The following RINT1 variants were observed in gnomAD, a reference collection of about 807,000 sequenced individuals.
RINT1 encodes the protein RAD50 interactor 1.
In RINT1, 75 loss-of-function variants were observed where a neutral mutation model predicts 97.7. The observed-to-expected ratio is 0.77, with a 90% CI of 0.64 to 0.93. RINT1 has a LOEUF of 0.93. Among genes scored for constraint, RINT1 ranks in the 40% least tolerant of loss-of-function variants. The pLI is 0.00. For missense variants in RINT1, 892 were observed against 925.2 expected, an observed-to-expected ratio of 0.96 and a Z score of 0.47; for synonymous variants, 303 against 326.3, an observed-to-expected ratio of 0.93 and a Z score of 0.77.
intron 9 of RINT1, among the ~76,000 whole-genome samples, chr7:105,551,049 GAT>G (rs1321488558): frequency 8.6e-5 from 13 of 151,968 alleles, no homozygotes; most frequent in Non-Finnish European, 1.5e-4. Context: ...TTATTTTTGA[GAT>G]AGGGTCTCAC....
intron 2 of RINT1, among the ~76,000 whole-genome samples, chr7:105,534,136 T>G (rs1310193608): frequency 6.6e-6 from 1 of 152,076 alleles, no homozygotes; most frequent in Non-Finnish European, 1.5e-5. Flanking sequence ...AGTGGCGCGA[T>G]CTCGCCTTAC....
rs757714629 is a variant in RINT1 at position 105,542,588 on chromosome 7, A to G, written c.454A>G (p.Ile152Val). Residue 152 changes from isoleucine (I) to valine (V), a missense_variant, in exon 4 of 15, where the codon ATT (isoleucine) becomes GTT (valine). Coordinates refer to ENST00000257700, the MANE Select transcript of RINT1 (RefSeq NM_021930.6). ...CGATCTTGGAACCATGATTAGCCAGATTGAAGAGATCGAACGTCATCTTGC... is the reference window on the plus strand; with the variant it reads ...CGATCTTGGAACCATGATTAGCCAGGTTGAAGAGATCGAACGTCATCTTGC... Reference protein sequence around the residue: ...MDDLGTMISQIEEIERHLAYL... With the variant: ...MDDLGTMISQVEEIERHLAYL... 6.2e-7 allele frequency: 1 copy of G among 1,614,170 alleles called. No homozygotes were observed. The highest frequency in any genetic ancestry group is 8.5e-7 in the Non-Finnish European group (1 of 1,180,022).
At chr7:105,537,138 T>C (rs2133359406) in intron 3 of RINT1, among the ~76,000 whole-genome samples, 1 of 151,498 alleles carries the variant, frequency 6.6e-6, no homozygotes, top group South Asian at 2.1e-4. Context: ...TTTTTTTTTT[T>C]TTTTTTTTTG....
chr7:105,562,685 T>C (rs1181356271), intron 11 of RINT1, among the ~76,000 whole-genome samples: 1 of 151,850 alleles, frequency 6.6e-6, no homozygotes, highest in East Asian at 1.9e-4. Flanking sequence ...GATCATGAGG[T>C]CAGGAGTTTG....
intron 7 of RINT1, 150 bp downstream of exon 7, chr7:105,548,860 T>C (rs995002503): frequency 4.3e-6 from 3 of 690,800 alleles, no homozygotes; most frequent in Non-Finnish European, 7.2e-6. Context: ...CTGCTGTTCA[T>C]ACATATAATT....
chr7:105,543,968 C>T (rs113736107), intron 4 of RINT1, among the ~76,000 whole-genome samples: 21,545 of 151,220 alleles, frequency 0.14, 1,880 homozygotes, highest in South Asian at 0.26. Context: ...GGCATGGTGG[C>T]GCGTGCCTGT....
In RINT1 at chr7:105,565,643, T is replaced by TAAAC; in HGVS notation, c.2183_2186dup (p.His729GlnfsTer39). 2 of 1,571,906 alleles carry TAAAC rather than the reference T, an allele frequency of 1.3e-6. No homozygotes were observed. The highest frequency in any genetic ancestry group is 1.7e-6 in the Non-Finnish European group (2 of 1,143,082). The stretch of plus-strand genomic sequence containing the variant: ...ATTGCAAGAGACCAGAAAATTATTT[T>TAAAC]AAACAGTAAGCTCAACATTTAACAA... On this transcript the variant is annotated frameshift_variant, in exon 14 of 15. Transcript: ENST00000257700. LOFTEE classifies it high-confidence loss of function.
intron 11 of RINT1, among the ~76,000 whole-genome samples, chr7:105,556,264 A>C (rs1791179358): frequency 6.6e-6 from 1 of 151,394 alleles, no homozygotes; most frequent in South Asian, 2.1e-4. Flanking sequence ...ACGAGTTTTC[A>C]CCTTATTGGC....
At chr7:105,548,156 T>C (rs1224348741) in intron 6 of RINT1, among the ~76,000 whole-genome samples, 1 of 152,152 alleles carries the variant, frequency 6.6e-6, no homozygotes, top group Non-Finnish European at 1.5e-5. Context: ...TCTTCCTGTG[T>C]AGCTGGGACT....
In RINT1 at chr7:105,565,413, T is replaced by TGGCAAATG; in HGVS notation, c.2024_2031dup (p.Leu678GlyfsTer5). The TGGCAAATG allele has an allele frequency of 6.2e-7, 1 of 1,614,206 alleles. No individual in the cohort carries two copies. The highest frequency in any genetic ancestry group is 8.5e-7 in the Non-Finnish European group (1 of 1,180,028). On this transcript the variant is annotated frameshift_variant, in exon 13 of 15. Transcript: ENST00000257700. LOFTEE classifies it high-confidence loss of function. ...TTGTTTCTCCTTATTTAAAATTTTC[T>TGGCAAATG]GGCAAATGCTTGTAGAGAAGCTGGA...
At chr7:105,538,985 T>C (rs1321101811) in intron 3 of RINT1, among the ~76,000 whole-genome samples, 1 of 152,176 alleles carries the variant, frequency 6.6e-6, no homozygotes, top group Non-Finnish European at 1.5e-5. Context: ...AAAAAACCCA[T>C]GATCTTTTAG....
At chr7:105,535,056 C>T (rs959435278) in intron 2 of RINT1, among the ~76,000 whole-genome samples, 6 of 151,976 alleles carry the variant, frequency 3.9e-5, no homozygotes, top group African/African-American at 1.5e-4. Flanking sequence ...TATTAAATGT[C>T]ACAAAACAGG....
intron 4 of RINT1, among the ~76,000 whole-genome samples, chr7:105,544,108 A>C (rs544202910): frequency 6.6e-6 from 1 of 152,024 alleles, no homozygotes; most frequent in African/African-American, 2.4e-5. Flanking sequence ...CTCAAAAAAA[A>C]AACAAAAAAA....
At chr7:105,546,815 G>A in intron 4 of RINT1, 95 bp from the exon 5 acceptor site, 1 of 815,528 alleles carries the variant, frequency 1.2e-6, no homozygotes, top group Non-Finnish European at 1.9e-6. Flanking sequence ...CACAGAATTT[G>A]CATTGAGCCA....
chr7:105,552,526 C>CT (rs1383724269), intron 10 of RINT1, among the ~76,000 whole-genome samples: 1 of 152,158 alleles, frequency 6.6e-6, no homozygotes, highest in East Asian at 1.9e-4. Context: ...TGTGGGCCTG[C>CT]TTGTTGTCCA....
chr7:105,532,795 T>A (rs764530815), intron 1 of RINT1, 29 bp from the exon 2 acceptor site: 2 of 1,613,352 alleles, frequency 1.2e-6, no homozygotes, highest in Admixed American at 1.7e-5. Context: ...TTAATCTTAA[T>A]GTGCTTGTCA....
At chr7:105,564,821 C>G (rs117694103) in intron 12 of RINT1, among the ~76,000 whole-genome samples, 7 of 152,022 alleles carry the variant, frequency 4.6e-5, no homozygotes, top group Admixed American at 3.9e-4. Flanking sequence ...GCCAACATGG[C>G]GAAACCCTGT....
At chr7:105,554,351 A>T (rs1372279389) in intron 10 of RINT1, among the ~76,000 whole-genome samples, 1 of 151,792 alleles carries the variant, frequency 6.6e-6, no homozygotes, top group African/African-American at 2.4e-5. Context: ...GTAAATTCTT[A>T]AATGTGTATC....
intron 2 of RINT1, among the ~76,000 whole-genome samples, chr7:105,534,308 A>G (rs1431072082): frequency 1.3e-5 from 2 of 152,108 alleles, no homozygotes; most frequent in African/African-American, 4.8e-5. Context: ...ACCTCAGGCA[A>G]TCCACCGTCC....
Sources: allele counts gnomAD v4.1 joint callset (sites outside exome capture counted in the v4.1 genomes callset), GRCh38; gene constraint gnomAD v4.1.1; transcripts MANE v1.5; gene names NCBI Gene and HGNC (gene_info 2026-07-23, HGNC 2026-07-21).